SLC2A4RG: variants seen among roughly 807,000 people sequenced by gnomAD.
SLC2A4RG encodes GLUT4 enhancer factor.
SLC2A4RG carries 23 observed loss-of-function variants against 35.5 expected under a neutral mutation model. That is an observed-to-expected ratio of 0.65 (90% CI 0.47 to 0.92). The LOEUF (loss-of-function observed/expected upper bound fraction) is 0.92, where lower values mean the gene tolerates loss of function less well. Among genes scored for constraint, SLC2A4RG ranks in the 40% least tolerant of loss-of-function variants. The probability of loss-of-function intolerance (pLI) is 0.00; values close to 1 mark genes in which losing one functional copy is unlikely to be tolerated. For missense variants in SLC2A4RG, 539 were observed against 525.0 expected, an observed-to-expected ratio of 1.03 and a Z score of -0.26; for synonymous variants, 306 against 243.7, an observed-to-expected ratio of 1.26 and a Z score of -2.38.
rs1208932200 is a variant in SLC2A4RG, at chr20:63,743,477, G to A, written c.*487G>A. 6.5e-6 allele frequency: 1 copy of A among 153,374 alleles called. No homozygotes were observed. The highest frequency in any genetic ancestry group is 6.5e-5 in the Admixed American group (1 of 15,370). The allele number at this position is 153,374 out of a possible 1,614,324, so 9.5% of individuals were successfully genotyped here. A position where few individuals can be genotyped will look rare whatever the true frequency, so the allele number is the denominator to read the frequency against. On this transcript the variant is annotated 3_prime_UTR_variant, in exon 8 of 8. Transcript: ENST00000266077. The stretch of plus-strand genomic sequence containing the variant: ...GTCTGGGCTGCACCAGGCGAAGAGA[G>A]AAATTAAAGATTTGAGGTTTTTCCA...
rs1051237152 is a variant in SLC2A4RG at position 63,744,028 on chromosome 20, A to AAAAT, written c.*1044_*1047dup. The AAAAT allele has an allele frequency of 2.6e-5, 4 of 152,692 alleles. No homozygotes were observed. In the East Asian group the frequency reaches 5.6e-4, roughly 22 times the overall value. 9.5% of individuals were successfully genotyped at this position (152,692 alleles called of 1,614,324 possible). A position where few individuals can be genotyped will look rare whatever the true frequency, so the allele number is the denominator to read the frequency against. ...TTGACAGGTTGAAAGCATGTTGAAAAAAATAAATATTTAAGAAAAGCACAC... is the reference window on the plus strand; with the variant it reads ...TTGACAGGTTGAAAGCATGTTGAAAAAAATAAATAAATATTTAAGAAAAGCACAC... On this transcript the variant is annotated 3_prime_UTR_variant, in exon 8 of 8. Transcript: ENST00000266077.
rs1389778302 is a variant in SLC2A4RG, at chr20:63,743,610, G to T, written c.*620G>T. 1 of 152,402 alleles carries T rather than the reference G, an allele frequency of 6.6e-6. No homozygotes were observed. The highest frequency in any genetic ancestry group is 2.4e-5 in the African/African-American group (1 of 41,462). The allele number at this position is 152,402 out of a possible 1,614,324, so 9.4% of individuals were successfully genotyped here. On this transcript the variant is annotated 3_prime_UTR_variant, in exon 8 of 8. Coordinates refer to ENST00000266077, the MANE Select transcript of SLC2A4RG (RefSeq NM_020062.4). ...ACAGAGGGCCGAGGGTCACCCGTCG[G>T]CCGCCGCCACCCCAGGCGAGGCCGG...
In SLC2A4RG at chr20:63,742,489, G is replaced by A. The variant is rs1463308060; in HGVS notation, c.834G>A (p.Leu278=). 4 of 1,576,440 alleles carry A rather than the reference G, an allele frequency of 2.5e-6. No individual in the cohort carries two copies. Among genetic ancestry groups the A allele is most frequent in the African/African-American group, 1.3e-5 (1 of 74,098 alleles). Residue 278 remains leucine, a synonymous_variant, in exon 6 of 8, where the codon CTG becomes CTA. Coordinates refer to ENST00000266077, the MANE Select transcript of SLC2A4RG (RefSeq NM_020062.4). ...CGCCTGCCTTCCCCCGCCTGGAGCTGCCAGAGCTGCTGGAGCCCCCAGCCC... is the reference window on the plus strand; with the variant it reads ...CGCCTGCCTTCCCCCGCCTGGAGCTACCAGAGCTGCTGGAGCCCCCAGCCC... ...SMPPAFPRLE[L]PELLEPPALP...
Position 63,741,961 on chromosome 20 carries a change from G to C in SLC2A4RG, c.484G>C (p.Ala162Pro), listed in dbSNP as rs780277032. Residue 162 changes from alanine (A) to proline (P), a missense_variant, in exon 4 of 8, where the codon GCC (alanine) becomes CCC (proline). By Grantham distance (27) the Ala-to-Pro change is conservative. Transcript: ENST00000266077. ...CAGTGGAGACTGGGGATGGGACCTGGCCAGTGACCAGTCCTCTCCGTCCAC... is the reference window on the plus strand; with the variant it reads ...CAGTGGAGACTGGGGATGGGACCTGCCCAGTGACCAGTCCTCTCCGTCCAC... ...SNSGDWGWDLASDQSSPSTPS... is the reference protein window; with the variant it reads ...SNSGDWGWDLPSDQSSPSTPS... 7.4e-6 allele frequency: 12 copies of C among 1,612,808 alleles called. No homozygotes were observed. The highest frequency in any genetic ancestry group is 1.3e-5 in the African/African-American group (1 of 74,924).
rs777862883 is a variant in SLC2A4RG at position 63,743,290 on chromosome 20, G to A, written c.*300G>A. 12 of 270,352 alleles carry A rather than the reference G, an allele frequency of 4.4e-5. No individual in the cohort carries two copies. Among genetic ancestry groups the A allele is most frequent in the South Asian group, 7.1e-5 (1 of 14,122 alleles). 16.7% of individuals were successfully genotyped at this position (270,352 alleles called of 1,614,324 possible). On this transcript the variant is annotated 3_prime_UTR_variant, in exon 8 of 8. Transcript: ENST00000266077. ...CAGCCACCCTCCCGCCTGTCGGCCCGTAGATTTATCAAGGGTGTTATGGGC... is the reference window on the plus strand; with the variant it reads ...CAGCCACCCTCCCGCCTGTCGGCCCATAGATTTATCAAGGGTGTTATGGGC...
chr20:63,742,286 C>A (rs2092046772), intron 5 of SLC2A4RG, 50 bp from the exon 6 acceptor site: 1 of 1,599,644 alleles, frequency 6.3e-7, no homozygotes, highest in East Asian at 2.2e-5. Context: ...GTTGTGAGGC[C>A]CGGCCAGGCC....
At position 63,742,046 on chromosome 20, in the gene SLC2A4RG, G is replaced by A. The variant is rs1297612928; in HGVS notation, c.569G>A (p.Arg190Lys). The A allele has an allele frequency of 6.2e-7, 1 of 1,611,582 alleles. No homozygotes were observed. Among genetic ancestry groups the A allele is most frequent in the Non-Finnish European group, 8.5e-7 (1 of 1,178,710 alleles). The change falls in exon 4 of 8, where the codon AGA becomes AAA. Residue 190 changes from arginine to lysine, a missense_variant. Physicochemically the swap from Arg to Lys is conservative, Grantham distance 26. Transcript: ENST00000266077. ...TTTCTGTTTGGGGAGCCCACCCTGA[G>A]AAAAAGGAAGGTGAGCTTGGGGGCG... is the stretch of plus-strand genomic sequence containing the variant. ...AHFLFGEPTLRKRKSPAQVMF... is the reference protein window; with the variant it reads ...AHFLFGEPTLKKRKSPAQVMF...
At position 63,740,378 on chromosome 20, in the gene SLC2A4RG, G is replaced by T. The variant is rs1432935302; in HGVS notation, c.128G>T (p.Gly43Val). 8.1e-7 allele frequency: 1 copy of T among 1,228,064 alleles called. No individual in the cohort carries two copies. The highest frequency in any genetic ancestry group is 1.0e-6 in the Non-Finnish European group (1 of 984,654). The allele number at this position is 1,228,064 out of a possible 1,614,324, so 76.1% of individuals were successfully genotyped here. Residue 43 changes from glycine to valine, a missense_variant and splice_region_variant, in exon 2 of 8, where the codon GGC becomes GTC. Physicochemically the swap from Gly to Val is moderately radical, Grantham distance 109. Coordinates refer to ENST00000266077, the MANE Select transcript of SLC2A4RG (RefSeq NM_020062.4). ...AGTCTGCCCCCTCCCCATCCGCAGG[G>T]CTCTTCCGTGGGCGGCGGCTTCGCG... ...APVTVPTPPQ[G>V]SSVGGGFAGL... is the part of the protein sequence containing the mutation.
chr20:63,742,456 C>T lies in SLC2A4RG; in HGVS notation c.801C>T (p.Ala267=). The T allele has an allele frequency of 1.3e-6, 2 of 1,598,160 alleles. No homozygotes were observed. Among genetic ancestry groups the T allele is most frequent in the South Asian group, 2.2e-5 (2 of 89,140 alleles). The part of the protein sequence containing the change: ...LSSLTPVSPT[A]SMPPAFPRLE... The stretch of plus-strand genomic sequence containing the variant: ...GCCTGACTCCAGTGTCCCCCACGGC[C>T]TCCATGCCGCCTGCCTTCCCCCGCC... Residue 267 remains alanine, a synonymous_variant, in exon 6 of 8, where the codon GCC becomes GCT. Coordinates refer to ENST00000266077, the MANE Select transcript of SLC2A4RG (RefSeq NM_020062.4).
chr20:63,740,182 CG>C, intron 1 of SLC2A4RG, 144 bp downstream of exon 1: 1 of 397,788 alleles, frequency 2.5e-6, no homozygotes, highest in East Asian at 1.6e-4. Context: ...TGGGTCCCGC[CG>C]GGGCTGCGCC....
At chr20:63,740,795 G>C (rs6062510) in intron 2 of SLC2A4RG, among the ~76,000 whole-genome samples, 106,011 of 152,124 alleles carry the variant, frequency 0.7, 37,264 homozygotes, top group Middle Eastern at 0.75. Flanking sequence ...GAGGCTGCGC[G>C]GTCGGCATGG....
intron 2 of SLC2A4RG, among the ~76,000 whole-genome samples, chr20:63,740,948 C>T (rs2092038392): frequency 6.6e-6 from 1 of 152,182 alleles, no homozygotes; most frequent in South Asian, 2.1e-4. Flanking sequence ...GCTTCCAGCC[C>T]AGTCTCCCCC....
rs954867371 is a variant in SLC2A4RG at position 63,743,165 on chromosome 20, G to C, written c.*175G>C. On this transcript the variant is annotated 3_prime_UTR_variant, in exon 8 of 8. Coordinates refer to ENST00000266077, the MANE Select transcript of SLC2A4RG (RefSeq NM_020062.4). Reference sequence around the variant, plus strand: ...CCTGAACCCTCCCCCCCGCCAGGTCGGGGAGGGGTCCCACCACTCAAAGTG... The same window carrying C: ...CCTGAACCCTCCCCCCCGCCAGGTCCGGGAGGGGTCCCACCACTCAAAGTG... 1 of 570,734 alleles carries C rather than the reference G, an allele frequency of 1.8e-6. No homozygotes were observed. Among genetic ancestry groups the C allele is most frequent in the Non-Finnish European group, 3.1e-6 (1 of 323,140 alleles). The allele number at this position is 570,734 out of a possible 1,614,324, so 35.4% of individuals were successfully genotyped here.
intron 2 of SLC2A4RG, 31 bp downstream of exon 2, chr20:63,740,562 G>C (rs1159220092): frequency 8.1e-7 from 1 of 1,227,896 alleles, no homozygotes. Flanking sequence ...CTCGGGACTC[G>C]GTGTGCGCAG....
Position 63,741,666 on chromosome 20 carries a change from C to T in SLC2A4RG, c.391+187C>T, listed in dbSNP as rs144631795. 5.3e-3 allele frequency among the ~76,000 whole-genome samples: 814 copies of T among 152,368 alleles called. 6 individuals are homozygous for T. The highest frequency in any genetic ancestry group is 0.014 in the Middle Eastern group (4 of 294). On this transcript the variant is annotated intron_variant, in intron 3 of 7. Transcript: ENST00000266077. ...GACCCAGGCCTTCTGGCCTCCCTGA[C>T]CTGCTCACCTCCACGCGGCTGGCCA...
Position 63,742,552 on chromosome 20 carries a change from C to T in SLC2A4RG, c.897C>T (p.Pro299=), listed in dbSNP as rs368944452. Residue 299 remains proline (P), a synonymous_variant, in exon 6 of 8, where the codon CCC becomes CCT. Transcript: ENST00000266077. Reference sequence around the variant, plus strand: ...TGCGGCCGCCTGCCCCGCCCCTGCCCCCGCCCCCTGTCCTGAGCACCGTTG... The same window carrying T: ...TGCGGCCGCCTGCCCCGCCCCTGCCTCCGCCCCCTGTCCTGAGCACCGTTG... ...SPLRPPAPPL[P]PPPVLSTVAN... 6.4e-7 allele frequency: 1 copy of T among 1,569,660 alleles called. No individual in the cohort carries two copies. Among genetic ancestry groups the T allele is most frequent in the Non-Finnish European group, 8.6e-7 (1 of 1,156,662 alleles).
chr20:63,741,507 G>C (rs565810341), intron 3 of SLC2A4RG, 28 bp downstream of exon 3: 1 of 1,594,810 alleles, frequency 6.3e-7, no homozygotes, highest in Non-Finnish European at 8.6e-7. Context: ...GCATTTAGGG[G>C]TGTGGGTGGG....
chr20:63,742,523 C>A lies in SLC2A4RG; in HGVS notation c.868C>A (p.Pro290Thr), dbSNP rs371300112. 1.3e-6 allele frequency: 2 copies of A among 1,561,936 alleles called. No individual in the cohort carries two copies. The highest frequency in any genetic ancestry group is 2.3e-5 in the South Asian group (2 of 85,718). The change falls in exon 6 of 8, where the codon CCC (proline) becomes ACC (threonine). Residue 290 changes from proline (P) to threonine (T), a missense_variant. Pro to Thr is a conservative substitution (Grantham distance 38). Transcript: ENST00000266077. Reference protein sequence around the residue: ...ELLEPPALPSPLRPPAPPLPP... With the variant: ...ELLEPPALPSTLRPPAPPLPP... ...GCTGGAGCCCCCAGCCCTGCCTAGTCCCCTGCGGCCGCCTGCCCCGCCCCT... is the reference window on the plus strand; with the variant it reads ...GCTGGAGCCCCCAGCCCTGCCTAGTACCCTGCGGCCGCCTGCCCCGCCCCT...
In SLC2A4RG at chr20:63,743,090, TCACCAGCTGCAGGGTCTGC is replaced by T; in HGVS notation, c.*101_*119del. ...CGAGGACAGCCCCAGGGGCTGGCTT[TCACCAGCTGCAGGGTCTGC>T]TTTTACTTGGGGTGGGGGGGCGGGG... On this transcript the variant is annotated 3_prime_UTR_variant, in exon 8 of 8. Transcript: ENST00000266077. 3.8e-6 allele frequency: 1 copy of T among 260,622 alleles called. No homozygotes were observed. The highest frequency in any genetic ancestry group is 5.9e-6 in the Non-Finnish European group (1 of 168,312). 16.1% of individuals were successfully genotyped at this position (260,622 alleles called of 1,614,324 possible). A position where few individuals can be genotyped will look rare whatever the true frequency, so the allele number is the denominator to read the frequency against.
Sources: allele counts gnomAD v4.1 joint callset (sites outside exome capture counted in the v4.1 genomes callset), GRCh38; gene constraint gnomAD v4.1.1; transcripts MANE v1.5; gene names NCBI Gene and HGNC (gene_info 2026-07-23, HGNC 2026-07-21).